Variants in RGS22 observed in about 807,000 individuals in gnomAD.
The protein encoded by RGS22 is regulator of G protein signaling 22.
RGS22 carries 148 observed loss-of-function variants against 172.9 expected under a neutral mutation model. The observed-to-expected ratio is 0.86, with a 90% CI of 0.75 to 0.98. RGS22 has a LOEUF of 0.98. RGS22 is among the 50% of genes least tolerant of loss of function. The pLI is 0.00. For missense variants in RGS22, 1,347 were observed against 1,440.8 expected (o/e 0.93, Z 1.05); for synonymous variants, 458 against 480.2 (o/e 0.95, Z 0.60).
intron 3 of RGS22, among the ~76,000 whole-genome samples, chr8:100,090,266 A>G (rs1471530168): frequency 6.6e-6 from 1 of 152,198 alleles, no homozygotes; most frequent in African/African-American, 2.4e-5. Context: ...TGCTGGTAAG[A>G]GTGGAAAAGC....
At chr8:99,976,042 T>G (rs1168284312) in intron 23 of RGS22, among the ~76,000 whole-genome samples, 2 of 151,836 alleles carry the variant, frequency 1.3e-5, no homozygotes. Flanking sequence ...ATACAAAAAT[T>G]AGCCTGGCAT....
At chr8:100,014,866 A>T (rs1816784679) in intron 14 of RGS22, among the ~76,000 whole-genome samples, 1 of 151,988 alleles carries the variant, frequency 6.6e-6, no homozygotes, top group African/African-American at 2.4e-5. Context: ...CATCCTAAAG[A>T]CTCAGCTTCC....
chr8:100,017,881 T>C (rs1434629557), intron 14 of RGS22, among the ~76,000 whole-genome samples: 1 of 152,192 alleles, frequency 6.6e-6, no homozygotes, highest in Non-Finnish European at 1.5e-5. Context: ...ATGTAGCTCA[T>C]GTTAGAGAAG....
At chr8:100,104,606 G>A (rs953518514) in intron 2 of RGS22, among the ~76,000 whole-genome samples, 3 of 152,120 alleles carry the variant, frequency 2.0e-5, no homozygotes, top group Non-Finnish European at 4.4e-5. Flanking sequence ...TGAACTTCTT[G>A]AGACTTAACC....
intron 11 of RGS22, among the ~76,000 whole-genome samples, chr8:100,045,122 AAATT>A (rs1820578558): frequency 1.3e-5 from 2 of 151,918 alleles, no homozygotes; most frequent in Admixed American, 1.3e-4. Flanking sequence ...ACAAAAAAAA[AAATT>A]AGTCAGGCAT....
chr8:99,973,965 G>A (rs914052953), intron 23 of RGS22, among the ~76,000 whole-genome samples: 7 of 151,524 alleles, frequency 4.6e-5, no homozygotes, highest in African/African-American at 1.2e-4. Flanking sequence ...TAACAAACCC[G>A]CACGTTACGC....
intron 14 of RGS22, among the ~76,000 whole-genome samples, chr8:100,011,345 A>G (rs1383055973): frequency 6.6e-6 from 1 of 152,178 alleles, no homozygotes; most frequent in East Asian, 1.9e-4. Flanking sequence ...GCTAGACAAG[A>G]AATTATATGC....
At position 100,051,980 on chromosome 8, in the gene RGS22, T is replaced by C. The variant is rs1423636935; in HGVS notation, c.1689+822A>G. 1.5e-4 allele frequency among the ~76,000 whole-genome samples: 11 copies of C among 70,976 alleles called. No individual in the cohort carries two copies. In the East Asian group the frequency reaches 2.0e-3, roughly 13 times the overall value. The allele number at this position is 70,976 out of a possible 152,430, so 46.6% of individuals were successfully genotyped here. Reference sequence around the variant, plus strand: ...ATGTTTATATATATTTATATATAAATGTTTATATATATTTATATATTTATA... The same window carrying C: ...ATGTTTATATATATTTATATATAAACGTTTATATATATTTATATATTTATA... On this transcript the variant is annotated intron_variant, in intron 10 of 27. Coordinates refer to ENST00000360863, the MANE Select transcript of RGS22 (RefSeq NM_015668.5).
At chr8:100,096,451 G>A (rs1013114068) in intron 2 of RGS22, among the ~76,000 whole-genome samples, 2 of 152,146 alleles carry the variant, frequency 1.3e-5, no homozygotes, top group Non-Finnish European at 2.9e-5. Context: ...TGCCATCTGT[G>A]AAAATGAAGT....
chr8:100,038,696 C>T, intron 14 of RGS22: 1 of 345,360 alleles, frequency 2.9e-6, no homozygotes, highest in Admixed American at 4.6e-5. Context: ...ATCAGAAGAA[C>T]AAGTAGTTGG....
intron 11 of RGS22, among the ~76,000 whole-genome samples, chr8:100,044,630 T>TA (rs1462308966): frequency 2.6e-5 from 4 of 151,832 alleles, no homozygotes; most frequent in African/African-American, 9.7e-5. Flanking sequence ...CCCTTTCTTT[T>TA]TTTTTTTTTT....
intron 18 of RGS22, among the ~76,000 whole-genome samples, chr8:100,001,116 T>A (rs1275590636): frequency 6.7e-6 from 1 of 150,364 alleles, no homozygotes; most frequent in Non-Finnish European, 1.5e-5. Flanking sequence ...TTATGATAAT[T>A]ATTTATATTT....
At chr8:100,052,608 A>G (rs537921627) in intron 10 of RGS22, among the ~76,000 whole-genome samples, 194 bp downstream of exon 10, 5 of 152,130 alleles carry the variant, frequency 3.3e-5, no homozygotes, top group South Asian at 2.1e-4. Context: ...CCATGATTGT[A>G]TATTTTTAAA....
chr8:100,098,840 T>TTTA lies in RGS22; in HGVS notation c.55-5332_55-5331insTAA, dbSNP rs1386644257. On this transcript the variant is annotated intron_variant, in intron 2 of 27. Transcript: ENST00000360863. ...CCCCTGCCCCTGACCCCCTTTTATT[T>TTTA]TTTTATTTATTTTATTATTTTATTT... 4.6e-3 allele frequency among the ~76,000 whole-genome samples: 195 copies of TTTA among 42,640 alleles called. 8 individuals carry two copies. The highest frequency in any genetic ancestry group is 0.037 in the African/African-American group (187 of 5,064). The allele number at this position is 42,640 out of a possible 152,430, so 28.0% of individuals were successfully genotyped here.
intron 21 of RGS22, among the ~76,000 whole-genome samples, chr8:99,983,810 A>C (rs1287219723): frequency 1.3e-5 from 2 of 152,358 alleles, no homozygotes; most frequent in Admixed American, 1.3e-4. Flanking sequence ...TTAAGTACCC[A>C]GTATATGCTG....
chr8:100,019,357 C>T (rs536361911), intron 14 of RGS22, among the ~76,000 whole-genome samples: 3 of 152,286 alleles, frequency 2.0e-5, no homozygotes, highest in East Asian at 1.9e-4. Context: ...TCACATACTT[C>T]GTTTTGATGT....
At chr8:100,043,635 G>A (rs1427094359) in intron 11 of RGS22, among the ~76,000 whole-genome samples, 4 of 152,086 alleles carry the variant, frequency 2.6e-5, no homozygotes, top group Non-Finnish European at 4.4e-5. Flanking sequence ...AATGAGCTGG[G>A]CGTGGTGGCA....
chr8:100,052,424 C>G (rs528955951), intron 10 of RGS22, among the ~76,000 whole-genome samples: 83 of 151,306 alleles, frequency 5.5e-4, no homozygotes, highest in African/African-American at 1.9e-3. Flanking sequence ...GCCTCAGCCT[C>G]CCGAGTAGCT....
chr8:99,982,177 AC>A, intron 21 of RGS22, 61 bp from the exon 22 acceptor site: 1 of 1,289,876 alleles, frequency 7.8e-7, no homozygotes, highest in Non-Finnish European at 1.1e-6. Context: ...ACTTAATAGA[AC>A]TGTATCAATA....
Sources: gnomAD v4.1 joint callset for allele counts (sites outside exome capture counted in the v4.1 genomes callset) on GRCh38, gnomAD v4.1.1 for gene constraint, MANE v1.5 for transcripts, NCBI Gene and HGNC (gene_info 2026-07-23, HGNC 2026-07-21) for gene names.